Variants in RABGAP1L observed in about 807,000 individuals in gnomAD.
RABGAP1L encodes the protein rab GTPase-activating protein 1-like.
A neutral mutation model predicts 137.7 loss-of-function variants in RABGAP1L; 63 were observed. The ratio of observed to expected loss-of-function variants is 0.46; its 90% CI spans 0.37 to 0.56. RABGAP1L has a LOEUF of 0.56. Among genes scored for constraint, RABGAP1L ranks in the 20% least tolerant of loss-of-function variants. The pLI is 0.00. For synonymous variants in RABGAP1L, 431 were observed against 433.7 expected (o/e 0.99, Z 0.08); for missense variants, 1,095 against 1,244.0 (o/e 0.88, Z 1.80).
At chr1:174,519,227 C>T (rs112425209) in intron 13 of RABGAP1L, among the ~76,000 whole-genome samples, 15,999 of 151,592 alleles carry the variant, frequency 0.11, 1,157 homozygotes, top group Non-Finnish European at 0.16. Flanking sequence ...TATACACACA[C>T]ACACACATAT....
At chr1:174,383,912 A>G (rs1217608022) in intron 12 of RABGAP1L, among the ~76,000 whole-genome samples, 1 of 152,182 alleles carries the variant, frequency 6.6e-6, no homozygotes, top group African/African-American at 2.4e-5. Flanking sequence ...GACCCTTCTT[A>G]TACCACCCCA....
intron 14 of RABGAP1L, among the ~76,000 whole-genome samples, chr1:174,643,470 A>C (rs1324922499): frequency 6.6e-6 from 1 of 152,188 alleles, no homozygotes; most frequent in African/African-American, 2.4e-5. Flanking sequence ...AAGTGATTTT[A>C]ACAGACACTT....
intron 19 of RABGAP1L, among the ~76,000 whole-genome samples, chr1:174,832,817 C>T (rs1173315235): frequency 6.6e-6 from 1 of 152,162 alleles, no homozygotes; most frequent in Non-Finnish European, 1.5e-5. Context: ...ATGCTGTTTG[C>T]CATTTTTGTT....
intron 18 of RABGAP1L, among the ~76,000 whole-genome samples, chr1:174,772,313 C>T (rs1048034457): frequency 6.6e-6 from 1 of 152,006 alleles, no homozygotes; most frequent in Non-Finnish European, 1.5e-5. Context: ...GGCAGTGGCT[C>T]AGGCCTGTAA....
chr1:174,502,809 A>C (rs1287195587), intron 13 of RABGAP1L, among the ~76,000 whole-genome samples: 2 of 152,046 alleles, frequency 1.3e-5, no homozygotes, highest in Non-Finnish European at 2.9e-5. Context: ...TTTCAAATGC[A>C]AAAATGACAC....
In RABGAP1L at chr1:174,446,506, T is replaced by C. The variant is rs368920116; in HGVS notation, c.1710+52361T>C. Among the ~76,000 whole-genome samples the C allele has an allele frequency of 4.6e-5, 7 of 152,328 alleles. No homozygotes were observed. In the East Asian group the frequency reaches 1.4e-3, roughly 29 times the overall value. ...ATGACAGGAGACTCTCTGAAATGACTTCACTTTTAAAAAATACTTTGGCAA... is the reference window on the plus strand; with the variant it reads ...ATGACAGGAGACTCTCTGAAATGACCTCACTTTTAAAAAATACTTTGGCAA... On this transcript the variant is annotated intron_variant, in intron 13 of 25. Coordinates refer to ENST00000681986, the MANE Select transcript of RABGAP1L (RefSeq NM_001366446.1).
At chr1:174,794,369 A>G (rs936448528) in intron 18 of RABGAP1L, among the ~76,000 whole-genome samples, 2 of 152,198 alleles carry the variant, frequency 1.3e-5, no homozygotes, top group Admixed American at 1.3e-4. Context: ...AGATAAACGC[A>G]ATGTATTTTT....
intron 18 of RABGAP1L, among the ~76,000 whole-genome samples, chr1:174,790,158 C>T (rs867904685): frequency 5.3e-5 from 8 of 151,314 alleles, no homozygotes; most frequent in Admixed American, 4.0e-4. Flanking sequence ...TGCAGTGAGC[C>T]GAGATCATGC....
At chr1:174,484,211 A>G (rs1019417982) in intron 13 of RABGAP1L, among the ~76,000 whole-genome samples, 1 of 152,158 alleles carries the variant, frequency 6.6e-6, no homozygotes, top group Non-Finnish European at 1.5e-5. Context: ...CTTTGGAGAA[A>G]TGTTTATTCA....
chr1:174,995,252 C>A lies in RABGAP1L; in HGVS notation c.*5251C>A, dbSNP rs543595688. 6.6e-6 allele frequency: 1 copy of A among 152,194 alleles called. No homozygotes were observed. 9.4% of individuals were successfully genotyped at this position (152,194 alleles called of 1,614,324 possible). ...TTGTGAGCCAGTGATGTTTTCAATG[C>A]TTTGTGTTGCCCCTTTGGCCCCATT... On this transcript the variant is annotated 3_prime_UTR_variant, in exon 26 of 26. Coordinates refer to ENST00000681986, the MANE Select transcript of RABGAP1L (RefSeq NM_001366446.1).
At chr1:174,782,781 G>A (rs1687113756) in intron 18 of RABGAP1L, among the ~76,000 whole-genome samples, 1 of 152,128 alleles carries the variant, frequency 6.6e-6, no homozygotes, top group South Asian at 2.1e-4. Flanking sequence ...CACGGGGCTT[G>A]TAACTCAGCT....
At chr1:174,597,340 T>G (rs1670028197) in intron 13 of RABGAP1L, among the ~76,000 whole-genome samples, 1 of 152,152 alleles carries the variant, frequency 6.6e-6, no homozygotes, top group African/African-American at 2.4e-5. Flanking sequence ...AAGCCATCAT[T>G]TTCTGGGACT....
chr1:174,180,676 A>G (rs976861003), intron 1 of RABGAP1L, among the ~76,000 whole-genome samples: 1 of 152,112 alleles, frequency 6.6e-6, no homozygotes. Context: ...TTTGTTGCCC[A>G]AGCTGGTCTC....
intron 13 of RABGAP1L, among the ~76,000 whole-genome samples, chr1:174,490,070 C>G (rs147284227): frequency 2.2e-4 from 33 of 152,094 alleles, no homozygotes; most frequent in Middle Eastern, 6.8e-3. Flanking sequence ...TCTCTTTCTC[C>G]AAGAGTGGTC....
chr1:174,568,101 C>T (rs1020082371), intron 13 of RABGAP1L, among the ~76,000 whole-genome samples: 7 of 152,046 alleles, frequency 4.6e-5, no homozygotes, highest in African/African-American at 1.7e-4. Context: ...CTGGTGAGGA[C>T]CCCAGGAAGC....
chr1:174,917,369 A>G (rs1174477120), intron 19 of RABGAP1L, among the ~76,000 whole-genome samples: 1 of 152,196 alleles, frequency 6.6e-6, no homozygotes, highest in Non-Finnish European at 1.5e-5. Flanking sequence ...TAATGTATGT[A>G]TGTGTTGATA....
intron 15 of RABGAP1L, among the ~76,000 whole-genome samples, chr1:174,685,275 CAG>C (rs1678374196): frequency 6.6e-6 from 1 of 152,068 alleles, no homozygotes; most frequent in South Asian, 2.1e-4. Flanking sequence ...TCTTTAGAGA[CAG>C]AGTCTCACTC....
intron 10 of RABGAP1L, among the ~76,000 whole-genome samples, chr1:174,293,212 G>A (rs775242117): frequency 9.2e-5 from 14 of 151,774 alleles, no homozygotes; most frequent in Non-Finnish European, 1.9e-4. Context: ...CTTGATGCTG[G>A]TATCACTATT....
At chr1:174,622,021 A>G (rs1012462312) in intron 13 of RABGAP1L, among the ~76,000 whole-genome samples, 1 of 152,082 alleles carries the variant, frequency 6.6e-6, no homozygotes, top group African/African-American at 2.4e-5. Context: ...AAAGCAAACA[A>G]CCCCATCAAA....
Sources: allele counts gnomAD v4.1 joint callset (sites outside exome capture counted in the v4.1 genomes callset), GRCh38; gene constraint gnomAD v4.1.1; transcripts MANE v1.5; gene names NCBI Gene and HGNC (gene_info 2026-07-23, HGNC 2026-07-21).